CRIM1: variants seen among roughly 807,000 people sequenced by gnomAD.
CRIM1 encodes cysteine-rich motor neuron 1 protein.
In CRIM1, 32 loss-of-function variants were observed where a neutral mutation model predicts 116.4. The ratio of observed to expected loss-of-function variants is 0.27; its 90% CI spans 0.21 to 0.37. The LOEUF is 0.37. Ranked by LOEUF, CRIM1 falls within the 10% of genes least tolerant of loss-of-function variation. CRIM1 has a pLI of 1.00. For synonymous variants in CRIM1, 590 were observed against 509.2 expected, an observed-to-expected ratio of 1.16 and a Z score of -2.13; for missense variants, 1,331 against 1,354.8, an observed-to-expected ratio of 0.98 and a Z score of 0.28.
intron 4 of CRIM1, among the ~76,000 whole-genome samples, chr2:36,451,874 T>C (rs910663688): frequency 2.0e-4 from 30 of 152,284 alleles, no homozygotes; most frequent in Admixed American, 1.2e-3. Context: ...TTTTTTCTTC[T>C]TGGAGACAGT....
chr2:36,496,245 T>C (rs1680583667), intron 7 of CRIM1, among the ~76,000 whole-genome samples: 2 of 152,222 alleles, frequency 1.3e-5, no homozygotes, highest in African/African-American at 4.8e-5. Context: ...AATGTCTTCT[T>C]AAGAAAACCT....
chr2:36,547,210 C>G, intron 16 of CRIM1, 39 bp downstream of exon 16: 1 of 1,515,256 alleles, frequency 6.6e-7, no homozygotes, highest in South Asian at 1.2e-5. Context: ...AATGATGAAT[C>G]TAGGAAAACT....
At chr2:36,479,350 C>T (rs899345686) in intron 6 of CRIM1, 147 bp from the exon 7 acceptor site, 2 of 702,932 alleles carry the variant, frequency 2.8e-6, no homozygotes, top group Non-Finnish European at 4.8e-6. Flanking sequence ...CCCCCAGAGA[C>T]TCCTCATGCA....
intron 7 of CRIM1, among the ~76,000 whole-genome samples, chr2:36,494,741 T>C (rs1680461058): frequency 6.6e-6 from 1 of 152,194 alleles, no homozygotes; most frequent in African/African-American, 2.4e-5. Context: ...CAGAATATTT[T>C]AGAATTCTTC....
At chr2:36,430,197 T>G (rs1311938153) in intron 2 of CRIM1, among the ~76,000 whole-genome samples, 1 of 152,162 alleles carries the variant, frequency 6.6e-6, no homozygotes, top group Non-Finnish European at 1.5e-5. Flanking sequence ...CAGGGAGTAC[T>G]TTTTCCACCT....
At chr2:36,357,665 C>T (rs1479675247) in intron 1 of CRIM1, among the ~76,000 whole-genome samples, 2 of 152,148 alleles carry the variant, frequency 1.3e-5, no homozygotes, top group African/African-American at 4.8e-5. Context: ...AGTGGGATCC[C>T]TGCTCTGGCT....
At chr2:36,420,258 T>C (rs773165996) in intron 2 of CRIM1, among the ~76,000 whole-genome samples, 7 of 152,210 alleles carry the variant, frequency 4.6e-5, no homozygotes, top group Non-Finnish European at 8.8e-5. Flanking sequence ...TTAACTAACA[T>C]TTAGAGCATG....
intron 2 of CRIM1, among the ~76,000 whole-genome samples, chr2:36,427,707 A>G (rs1674566467): frequency 6.6e-6 from 1 of 152,174 alleles, no homozygotes; most frequent in African/African-American, 2.4e-5. Context: ...TGTTACAGAG[A>G]AGTCCCTATG....
chr2:36,546,933 C>T (rs1667388257), intron 15 of CRIM1, 51 bp from the exon 16 acceptor site: 1 of 1,071,492 alleles, frequency 9.3e-7, no homozygotes, highest in Non-Finnish European at 1.4e-6. Context: ...TAAAATAATC[C>T]TTAACAATTC....
Position 36,356,298 on chromosome 2 carries a change from C to T in CRIM1, c.6C>T (p.Tyr2=). 1 of 1,524,578 alleles carries T rather than the reference C, an allele frequency of 6.6e-7. No individual in the cohort carries two copies. The allele number at this position is 1,524,578 out of a possible 1,614,324, so 94.4% of individuals were successfully genotyped here. The change falls in exon 1 of 17, where the codon TAC becomes TAT. Residue 2 remains tyrosine, a synonymous_variant. Transcript: ENST00000280527. This position sits in a 1 kb window ranked among gnomAD's most constrained non-coding sequence, Gnocchi z 4.3. ...GGCGGCGGCGGCGCAGGAGGATGTACTTGGTGGCGGGGGACAGGGGGTTGG... is the reference window on the plus strand; with the variant it reads ...GGCGGCGGCGGCGCAGGAGGATGTATTTGGTGGCGGGGGACAGGGGGTTGG... M[Y]LVAGDRGLAG... is the part of the protein sequence containing the mutation.
intron 2 of CRIM1, among the ~76,000 whole-genome samples, chr2:36,440,480 A>C (rs1271386356): frequency 6.6e-6 from 1 of 152,174 alleles, no homozygotes; most frequent in African/African-American, 2.4e-5. Flanking sequence ...TCAACCCAAG[A>C]AGCTAAACTG....
intron 4 of CRIM1, among the ~76,000 whole-genome samples, chr2:36,456,291 A>G (rs760818963): frequency 5.9e-5 from 9 of 152,212 alleles, no homozygotes; most frequent in Non-Finnish European, 8.8e-5. Flanking sequence ...TACCTGCTGC[A>G]TGTACACACT....
chr2:36,544,659 A>G (rs1667186901), intron 15 of CRIM1, among the ~76,000 whole-genome samples, 161 bp downstream of exon 15: 1 of 152,228 alleles, frequency 6.6e-6, no homozygotes, highest in Non-Finnish European at 1.5e-5. Flanking sequence ...ACATATTTAC[A>G]CCACACATTG....
chr2:36,480,053 T>A (rs1276972301), intron 7 of CRIM1, among the ~76,000 whole-genome samples: 1 of 152,200 alleles, frequency 6.6e-6, no homozygotes, highest in African/African-American at 2.4e-5. Context: ...CACCTTTGAC[T>A]TGTGATGCTT....
At position 36,486,661 on chromosome 2, in the gene CRIM1, C is replaced by T. The variant is rs1679840536; in HGVS notation, c.1372+6967C>T. Among the ~76,000 whole-genome samples the T allele has an allele frequency of 3.9e-5, 6 of 152,190 alleles. No homozygotes were observed. The South Asian group carries it at 1.2e-3, about 32-fold the overall frequency. ...TTTATTTCCTCTGCTGTCTACTTCCCATACCTAAAAGGGTATTATTGCTGG... is the reference window on the plus strand; with the variant it reads ...TTTATTTCCTCTGCTGTCTACTTCCTATACCTAAAAGGGTATTATTGCTGG... On this transcript the variant is annotated intron_variant, in intron 7 of 16. Coordinates refer to ENST00000280527, the MANE Select transcript of CRIM1 (RefSeq NM_016441.3).
At chr2:36,433,770 T>C (rs1471602967) in intron 2 of CRIM1, among the ~76,000 whole-genome samples, 2 of 152,200 alleles carry the variant, frequency 1.3e-5, no homozygotes, top group Non-Finnish European at 2.9e-5. Context: ...AGATCACTTT[T>C]TTCCCTTTAT....
chr2:36,486,621 G>T (rs1395167682), intron 7 of CRIM1, among the ~76,000 whole-genome samples: 1 of 152,140 alleles, frequency 6.6e-6, no homozygotes, highest in Non-Finnish European at 1.5e-5. Flanking sequence ...TGGCGTGCAA[G>T]GGGGTGGGTT....
At chr2:36,492,095 G>T (rs1481512260) in intron 7 of CRIM1, among the ~76,000 whole-genome samples, 2 of 152,046 alleles carry the variant, frequency 1.3e-5, no homozygotes, top group Non-Finnish European at 2.9e-5. Flanking sequence ...GGTAAAGGAA[G>T]AAAAATATTA....
intron 2 of CRIM1, among the ~76,000 whole-genome samples, chr2:36,427,838 C>A (rs1267552859): frequency 6.6e-6 from 1 of 152,218 alleles, no homozygotes; most frequent in Non-Finnish European, 1.5e-5. Flanking sequence ...CCCTGGCTCC[C>A]ATTCCTAGCC....
Sources: gnomAD v4.1 joint callset for allele counts (sites outside exome capture counted in the v4.1 genomes callset) on GRCh38, gnomAD v4.1.1 for gene constraint, Gnocchi (gnomAD v3.1) non-coding constraint, MANE v1.5 for transcripts, NCBI Gene and HGNC (gene_info 2026-07-23, HGNC 2026-07-21) for gene names.